Variants in MUSK observed in about 807,000 individuals in gnomAD.
MUSK encodes muscle, skeletal receptor tyrosine-protein kinase.
Under a neutral mutation model 88.7 loss-of-function variants are expected in MUSK, and 55 were observed. The observed-to-expected ratio is 0.62, with a 90% CI of 0.50 to 0.78. The LOEUF (loss-of-function observed/expected upper bound fraction) is 0.78. Among genes scored for constraint, MUSK ranks in the 30% least tolerant of loss-of-function variants. The pLI is 0.00. For missense variants in MUSK, 1,015 were observed against 1,074.3 expected (o/e 0.94, Z 0.77); for synonymous variants, 387 against 391.9 (o/e 0.99, Z 0.15).
At chr9:110,730,481 C>A (rs2076949145) in intron 5 of MUSK, among the ~76,000 whole-genome samples, 1 of 152,014 alleles carries the variant, frequency 6.6e-6, no homozygotes, top group African/African-American at 2.4e-5. Flanking sequence ...TAGGGATATT[C>A]TATGCCCATT....
At chr9:110,797,084 T>C (rs1463552074) in intron 14 of MUSK, among the ~76,000 whole-genome samples, 1 of 70,978 alleles carries the variant, frequency 1.4e-5, no homozygotes, top group Non-Finnish European at 2.6e-5. Context: ...ACCTGCACAA[T>C]GTGCACATGT....
intron 8 of MUSK, 175 bp from the exon 9 acceptor site, chr9:110,767,645 T>A (rs998111277): frequency 4.3e-6 from 3 of 702,696 alleles, no homozygotes. Context: ...CTAGAGATGA[T>A]ATAATTGCAG....
chr9:110,688,864 T>G (rs1269874710), intron 3 of MUSK, among the ~76,000 whole-genome samples: 1 of 151,046 alleles, frequency 6.6e-6, no homozygotes, highest in Non-Finnish European at 1.5e-5. Flanking sequence ...CAGTCCATCA[T>G]TAATGGGCAT....
At chr9:110,741,816 G>C (rs2077103762) in intron 6 of MUSK, among the ~76,000 whole-genome samples, 1 of 152,086 alleles carries the variant, frequency 6.6e-6, no homozygotes, top group Admixed American at 6.6e-5. Flanking sequence ...GAATTAGATG[G>C]GGAGTTGGAA....
At chr9:110,700,262 A>G (rs2076484731) in intron 5 of MUSK, among the ~76,000 whole-genome samples, 1 of 152,200 alleles carries the variant, frequency 6.6e-6, no homozygotes, top group Non-Finnish European at 1.5e-5. Flanking sequence ...AAAGTCTGTA[A>G]CAAGGGCCCT....
At chr9:110,741,291 A>T (rs1222122287) in intron 6 of MUSK, among the ~76,000 whole-genome samples, 2 of 151,682 alleles carry the variant, frequency 1.3e-5, no homozygotes, top group Admixed American at 1.3e-4. Flanking sequence ...CCAATAAGCT[A>T]AAAAAAATTA....
At chr9:110,716,020 G>A (rs1290624219) in intron 5 of MUSK, among the ~76,000 whole-genome samples, 1 of 149,594 alleles carries the variant, frequency 6.7e-6, no homozygotes, top group Non-Finnish European at 1.5e-5. Flanking sequence ...GCTAACGGAT[G>A]CTAGGCTTAT....
chr9:110,692,117 A>T (rs1002813712), intron 3 of MUSK, among the ~76,000 whole-genome samples: 27 of 152,024 alleles, frequency 1.8e-4, no homozygotes, highest in African/African-American at 6.5e-4. Context: ...ACTCAGTTTT[A>T]GGTGGGCCTT....
chr9:110,697,141 T>G (rs2076441035), intron 4 of MUSK, among the ~76,000 whole-genome samples, 184 bp from the exon 5 acceptor site: 1 of 151,124 alleles, frequency 6.6e-6, no homozygotes, highest in Admixed American at 6.6e-5. Flanking sequence ...TGGTGAAGAT[T>G]AATTTAGGTA....
chr9:110,708,585 C>A (rs1245971574), intron 5 of MUSK, among the ~76,000 whole-genome samples: 1 of 152,100 alleles, frequency 6.6e-6, no homozygotes, highest in Non-Finnish European at 1.5e-5. Context: ...TAATAGGATG[C>A]ATGTTCTAAA....
chr9:110,800,642 A>C lies in MUSK; in HGVS notation c.2264A>C (p.Tyr755Ser). The C allele has an allele frequency of 6.2e-7, 1 of 1,613,736 alleles. No homozygotes were observed. ...TCCAGGAACATCTACTCAGCAGACT[A>C]CTACAAAGCTAATGAAAACGACGCT... is the stretch of plus-strand genomic sequence containing the variant. ...GLSRNIYSAD[Y>S]YKANENDAIP... The change falls in exon 15 of 15, where the codon TAC (tyrosine) becomes TCC (serine). Residue 755 changes from tyrosine (Y) to serine (S), a missense_variant. Coordinates refer to ENST00000374448, the MANE Select transcript of MUSK (RefSeq NM_005592.4).
rs1554734720 is a variant in MUSK, at chr9:110,689,242, T to TATCA, written c.358+1976_358+1977insCAAT. Among the ~76,000 whole-genome samples, 130 of 115,618 alleles carry TATCA rather than the reference T, an allele frequency of 1.1e-3. 3 individuals are homozygous for TATCA. The highest frequency in any genetic ancestry group is 5.0e-4 in the South Asian group (2 of 4,028). The allele number at this position is 115,618 out of a possible 152,430, so 75.8% of individuals were successfully genotyped here. A position where few individuals can be genotyped will look rare whatever the true frequency, so the allele number is the denominator to read the frequency against. On this transcript the variant is annotated intron_variant, in intron 3 of 14. Transcript: ENST00000374448. ...TATATAATATATAAATATATAAATA[T>TATCA]ATAAACTATATATTTATATATTGTA...
At chr9:110,776,710 G>A in intron 11 of MUSK, 55 bp downstream of exon 11, 1 of 1,447,936 alleles carries the variant, frequency 6.9e-7, no homozygotes, top group Non-Finnish European at 9.5e-7. Context: ...TTGGATTCAT[G>A]CATGTGTGTT....
rs1316350400 is a variant in MUSK, at chr9:110,805,689, T to G, written c.*4701T>G. ...CGTCCATTCAGATGATTGTGGCTTT[T>G]TTCCCTAATGGATTTGTTAATATGT... On this transcript the variant is annotated 3_prime_UTR_variant, in exon 15 of 15. Coordinates refer to ENST00000374448, the MANE Select transcript of MUSK (RefSeq NM_005592.4). 6.6e-6 allele frequency among the ~76,000 whole-genome samples: 1 copy of G among 152,020 alleles called. No individual in the cohort carries two copies.
intron 14 of MUSK, 121 bp downstream of exon 14, chr9:110,787,959 C>A: frequency 8.8e-7 from 1 of 1,139,634 alleles, no homozygotes; most frequent in Non-Finnish European, 1.3e-6. Flanking sequence ...AGTTCCTTTT[C>A]AAATTTAGCT....
At chr9:110,733,339 A>G (rs1467276010) in intron 5 of MUSK, among the ~76,000 whole-genome samples, 6 of 152,120 alleles carry the variant, frequency 3.9e-5, no homozygotes, top group African/African-American at 1.4e-4. Context: ...TCACTGCTAT[A>G]AGATAAGAAC....
chr9:110,729,920 C>T (rs960628075), intron 5 of MUSK, among the ~76,000 whole-genome samples: 1 of 152,006 alleles, frequency 6.6e-6, no homozygotes, highest in African/African-American at 2.4e-5. Flanking sequence ...CACTCCAGTG[C>T]AATTTCAGAG....
intron 14 of MUSK, chr9:110,788,101 T>C (rs917368826): frequency 1.2e-5 from 5 of 418,530 alleles, no homozygotes; most frequent in South Asian, 2.7e-5. Flanking sequence ...AATGTCCCCA[T>C]TGTAAAAAAT....
At chr9:110,759,334 G>A (rs1015637311) in intron 7 of MUSK, among the ~76,000 whole-genome samples, 7 of 152,170 alleles carry the variant, frequency 4.6e-5, no homozygotes, top group Admixed American at 2.6e-4. Flanking sequence ...ATCAACTCAA[G>A]ATGGATTATA....
Sources: allele counts gnomAD v4.1 joint callset (sites outside exome capture counted in the v4.1 genomes callset), GRCh38; gene constraint gnomAD v4.1.1; transcripts MANE v1.5; gene names NCBI Gene and HGNC (gene_info 2026-07-23, HGNC 2026-07-21).